Variants in SLC38A1 observed in about 807,000 individuals in gnomAD.
SLC38A1 encodes solute carrier family 38 member 1.
A neutral mutation model predicts 60.3 loss-of-function variants in SLC38A1; 18 were observed. That is an observed-to-expected ratio of 0.30 (90% CI 0.21 to 0.44). The LOEUF is 0.44. Among genes scored for constraint, SLC38A1 ranks in the 20% least tolerant of loss-of-function variants. The pLI is 1.00. For synonymous variants in SLC38A1, 196 were observed against 212.1 expected (o/e 0.92, Z 0.66); for missense variants, 448 against 587.2 (o/e 0.76, Z 2.45).
chr12:46,195,491 C>T (rs780408475), intron 16 of SLC38A1, among the ~76,000 whole-genome samples: 2 of 152,130 alleles, frequency 1.3e-5, no homozygotes, highest in East Asian at 1.9e-4. Context: ...CAGACAGGGA[C>T]GTTTAAGTCT....
Position 46,187,041 on chromosome 12 carries a change from G to A in SLC38A1, c.*1929C>T, listed in dbSNP as rs1938960931. 1 of 152,146 alleles carries A rather than the reference G, an allele frequency of 6.6e-6. No individual in the cohort carries two copies. Among genetic ancestry groups the A allele is most frequent in the South Asian group, 2.1e-4 (1 of 4,828 alleles). 9.4% of individuals were successfully genotyped at this position (152,146 alleles called of 1,614,324 possible). A position where few individuals can be genotyped will look rare whatever the true frequency, so the allele number is the denominator to read the frequency against. On this transcript the variant is annotated 3_prime_UTR_variant, in exon 17 of 17. Coordinates refer to ENST00000398637, the MANE Select transcript of SLC38A1 (RefSeq NM_030674.4). ...AAAGAACAGAGATGGCCATGGATAT[G>A]GCTAGGTTAGGTATTCATATCCAAA...
chr12:46,203,272 G>A (rs1300227300), intron 11 of SLC38A1, among the ~76,000 whole-genome samples, 183 bp from the exon 12 acceptor site: 19 of 152,048 alleles, frequency 1.2e-4, no homozygotes, highest in Admixed American at 1.2e-3. Flanking sequence ...TGTCTAGCTC[G>A]AGCCATTAGC....
At chr12:46,203,149 C>G in intron 11 of SLC38A1, 60 bp from the exon 12 acceptor site, 1 of 1,369,180 alleles carries the variant, frequency 7.3e-7, no homozygotes, top group South Asian at 1.2e-5. Context: ...AAGGACATAG[C>G]TCCAGTATTT....
At chr12:46,265,424 A>G (rs1319699973) in intron 1 of SLC38A1, among the ~76,000 whole-genome samples, 1 of 152,254 alleles carries the variant, frequency 6.6e-6, no homozygotes, top group Non-Finnish European at 1.5e-5. Flanking sequence ...GAAAAGTGGC[A>G]TCAGGGATAG....
chr12:46,197,054 A>G (rs761955725), intron 16 of SLC38A1, among the ~76,000 whole-genome samples: 7 of 152,236 alleles, frequency 4.6e-5, no homozygotes, highest in Non-Finnish European at 1.0e-4. Flanking sequence ...GAAACAGTGG[A>G]CTGCATAACA....
At chr12:46,193,523 C>G (rs1939233769) in intron 16 of SLC38A1, among the ~76,000 whole-genome samples, 1 of 152,138 alleles carries the variant, frequency 6.6e-6, no homozygotes, top group South Asian at 2.1e-4. Flanking sequence ...CTAATATTGA[C>G]AGTGGGGTGT....
intron 5 of SLC38A1, 141 bp from the exon 6 acceptor site, chr12:46,209,268 C>T: frequency 5.6e-6 from 3 of 534,238 alleles, no homozygotes; most frequent in Non-Finnish European, 9.9e-6. Context: ...ATTAGTCATC[C>T]CTGCTTTAAA....
In SLC38A1 at chr12:46,187,243, G is replaced by A. The variant is rs1417972165; in HGVS notation, c.*1727C>T. On this transcript the variant is annotated 3_prime_UTR_variant, in exon 17 of 17. Transcript: ENST00000398637. Reference sequence around the variant, plus strand: ...TTCTCAGTGAGAGTGAAGGCCTTTGGGGATTTGAGTCAGGAAGGGAACATG... The same window carrying A: ...TTCTCAGTGAGAGTGAAGGCCTTTGAGGATTTGAGTCAGGAAGGGAACATG... 1 of 152,198 alleles carries A rather than the reference G, an allele frequency of 6.6e-6. No homozygotes were observed. Among genetic ancestry groups the A allele is most frequent in the Non-Finnish European group, 1.5e-5 (1 of 68,060 alleles). The allele number at this position is 152,198 out of a possible 1,614,324, so 9.4% of individuals were successfully genotyped here.
At chr12:46,263,240 G>C (rs987167678) in intron 1 of SLC38A1, among the ~76,000 whole-genome samples, 24 of 152,168 alleles carry the variant, frequency 1.6e-4, no homozygotes, top group African/African-American at 5.5e-4. Context: ...AAGATCCCCA[G>C]ATTGAGAATA....
intron 6 of SLC38A1, 22 bp downstream of exon 6, chr12:46,209,032 A>G: frequency 6.3e-7 from 1 of 1,576,822 alleles, no homozygotes; most frequent in Non-Finnish European, 8.7e-7. Flanking sequence ...TTTTAACAAA[A>G]TCAAACACGT....
At chr12:46,200,756 A>G (rs949980221) in intron 13 of SLC38A1, among the ~76,000 whole-genome samples, 2 of 152,130 alleles carry the variant, frequency 1.3e-5, no homozygotes, top group African/African-American at 2.4e-5. Context: ...TCTCCATTCT[A>G]TTAATGGAAT....
intron 16 of SLC38A1, among the ~76,000 whole-genome samples, chr12:46,190,783 G>T (rs1296381650): frequency 1.3e-5 from 2 of 152,062 alleles, no homozygotes; most frequent in Non-Finnish European, 2.9e-5. Flanking sequence ...TGATGGGGTT[G>T]CTTTTTTCTT....
intron 13 of SLC38A1, among the ~76,000 whole-genome samples, chr12:46,199,530 T>G (rs189355006): frequency 0.011 from 1,605 of 151,722 alleles, 40 homozygotes; most frequent in African/African-American, 0.037. Context: ...TTGTATTTTT[T>G]TTTTTTTTGT....
chr12:46,207,126 A>G (rs1391272586), intron 8 of SLC38A1, 29 bp downstream of exon 8: 2 of 1,435,578 alleles, frequency 1.4e-6, no homozygotes, highest in Non-Finnish European at 1.9e-6. Context: ...CATTTTAGTT[A>G]TATCATAAAA....
chr12:46,240,043 G>A (rs770094004), intron 2 of SLC38A1, 150 bp from the exon 3 acceptor site: 6 of 467,034 alleles, frequency 1.3e-5, no homozygotes, highest in Middle Eastern at 6.1e-4. Context: ...TGTCTATCAA[G>A]TTATGGAGGT....
At chr12:46,189,746 T>C (rs1459226643) in intron 16 of SLC38A1, among the ~76,000 whole-genome samples, 1 of 152,162 alleles carries the variant, frequency 6.6e-6, no homozygotes. Flanking sequence ...GTGCTTGTGA[T>C]AGTGAATAAA....
In SLC38A1 at chr12:46,207,392, T is replaced by G; in HGVS notation, c.481+137A>C. ...GGATTTGTGGCTTTAAATAAGTGAC[T>G]GCTGTCTCTGCTTTACTTTCCCTGT... On this transcript the variant is annotated intron_variant, in intron 7 of 16. Coordinates refer to ENST00000398637, the MANE Select transcript of SLC38A1 (RefSeq NM_030674.4). The G allele has an allele frequency of 4.9e-6, 5 of 1,030,044 alleles. No individual in the cohort carries two copies. In the East Asian group the frequency reaches 1.3e-4, roughly 26 times the overall value. 63.8% of individuals were successfully genotyped at this position (1,030,044 alleles called of 1,614,324 possible).
chr12:46,245,174 A>C (rs904893768), intron 1 of SLC38A1, among the ~76,000 whole-genome samples: 1 of 152,244 alleles, frequency 6.6e-6, no homozygotes, highest in Non-Finnish European at 1.5e-5. Context: ...ATCTTGCCAC[A>C]TACACTTAAT....
At chr12:46,225,561 T>C (rs1940830591) in intron 5 of SLC38A1, among the ~76,000 whole-genome samples, 1 of 152,092 alleles carries the variant, frequency 6.6e-6, no homozygotes, top group African/African-American at 2.4e-5. Context: ...GAACAGGGGA[T>C]TGGGAGCTGT....
Sources: allele counts gnomAD v4.1 joint callset (sites outside exome capture counted in the v4.1 genomes callset), GRCh38; gene constraint gnomAD v4.1.1; transcripts MANE v1.5; gene names NCBI Gene and HGNC (gene_info 2026-07-23, HGNC 2026-07-21).